The following GNA14 variants were observed in gnomAD, a reference collection of about 807,000 sequenced individuals.
The protein encoded by GNA14 is G protein subunit alpha 14.
In GNA14, 50 loss-of-function variants were observed where a neutral mutation model predicts 42.0. The observed-to-expected ratio is 1.19, with a 90% CI of 0.95 to 1.51. GNA14 has a LOEUF of 1.51. Ranked by LOEUF, GNA14 falls within the 40% of genes most tolerant of loss-of-function variation. GNA14 has a pLI of 0.00. For synonymous variants in GNA14, 173 were observed against 163.1 expected, an observed-to-expected ratio of 1.06 and a Z score of -0.46; for missense variants, 473 against 446.2, an observed-to-expected ratio of 1.06 and a Z score of -0.54.
At chr9:77,495,970 A>G (rs1836862246) in intron 2 of GNA14, among the ~76,000 whole-genome samples, 1 of 152,184 alleles carries the variant, frequency 6.6e-6, no homozygotes, top group Non-Finnish European at 1.5e-5. Context: ...GAGAGTGTGT[A>G]TGATCCCAGG....
chr9:77,596,355 A>T (rs1823467385), intron 1 of GNA14, among the ~76,000 whole-genome samples: 1 of 152,202 alleles, frequency 6.6e-6, no homozygotes, highest in African/African-American at 2.4e-5. Flanking sequence ...TGTTTCTGAA[A>T]AGAAACTTGT....
intron 1 of GNA14, 135 bp downstream of exon 1, chr9:77,647,535 A>C: frequency 1.0e-6 from 1 of 993,506 alleles, no homozygotes; most frequent in Non-Finnish European, 1.4e-6. Flanking sequence ...GGCATCCGTG[A>C]GCTCCGAGGG....
chr9:77,618,568 A>G (rs1823858849), intron 1 of GNA14, among the ~76,000 whole-genome samples: 1 of 117,404 alleles, frequency 8.5e-6, no homozygotes, highest in African/African-American at 3.3e-5. Context: ...TATATGCTGG[A>G]TGATTACATT....
intron 1 of GNA14, among the ~76,000 whole-genome samples, chr9:77,543,315 GTC>G (rs1219543994): frequency 2.0e-5 from 3 of 152,188 alleles, no homozygotes; most frequent in Non-Finnish European, 2.9e-5. Context: ...GGTTTCTCAC[GTC>G]TTAGTCCCAC....
chr9:77,549,118 A>G (rs939518282), intron 1 of GNA14, among the ~76,000 whole-genome samples: 5 of 152,128 alleles, frequency 3.3e-5, no homozygotes, highest in African/African-American at 1.2e-4. Flanking sequence ...GATTTTTAGC[A>G]GAGACAGGGT....
At chr9:77,477,429 T>C (rs556109817) in intron 2 of GNA14, among the ~76,000 whole-genome samples, 4 of 152,178 alleles carry the variant, frequency 2.6e-5, no homozygotes, top group Non-Finnish European at 4.4e-5. Flanking sequence ...TCCAGCCCCA[T>C]TCCCCTGCTG....
At position 77,425,709 on chromosome 9, in the gene GNA14, T is replaced by C. The variant is rs142760663; in HGVS notation, c.730A>G (p.Met244Val). 5.5e-5 allele frequency: 87 copies of C among 1,594,850 alleles called. No homozygotes were observed. The African/African-American group carries it at 1.1e-3, about 21-fold the overall frequency. Residue 244 changes from methionine (M) to valine (V), a missense_variant, in exon 6 of 7, where the codon ATG becomes GTG. Met to Val is a conservative substitution (Grantham distance 21). Coordinates refer to ENST00000341700, the MANE Select transcript of GNA14 (RefSeq NM_004297.4). The part of the protein sequence containing the change: ...VLAECDNENR[M>V]EESKALFKTI... ...TTAAATAAGGCTTTGCTCTCTTCCA[T>C]GCGATTCTAAGTGAAAAACAAGGGA...
intron 1 of GNA14, among the ~76,000 whole-genome samples, chr9:77,542,196 T>G (rs1837668890): frequency 6.6e-6 from 1 of 152,198 alleles, no homozygotes. Flanking sequence ...CCTGAAGATA[T>G]AAGATATGTA....
chr9:77,571,459 T>G (rs1488514760), intron 1 of GNA14, among the ~76,000 whole-genome samples: 1 of 152,192 alleles, frequency 6.6e-6, no homozygotes, highest in Non-Finnish European at 1.5e-5. Flanking sequence ...ACTAACCACA[T>G]GTGGCTGTTG....
At chr9:77,543,697 T>C (rs1837687847) in intron 1 of GNA14, among the ~76,000 whole-genome samples, 1 of 152,224 alleles carries the variant, frequency 6.6e-6, no homozygotes, top group Non-Finnish European at 1.5e-5. Flanking sequence ...TCCCAGCCAA[T>C]CCTGGCCAAG....
At chr9:77,645,794 A>G (rs2118046708) in intron 1 of GNA14, among the ~76,000 whole-genome samples, 1 of 152,336 alleles carries the variant, frequency 6.6e-6, no homozygotes, top group African/African-American at 2.4e-5. Context: ...GCATTTGTCA[A>G]GCTCCTGGTA....
intron 1 of GNA14, among the ~76,000 whole-genome samples, chr9:77,541,121 T>C (rs1440991597): frequency 1.3e-5 from 2 of 152,152 alleles, no homozygotes; most frequent in South Asian, 2.1e-4. Flanking sequence ...GGTTAACCAA[T>C]GGGTTTTATA....
At position 77,434,622 on chromosome 9, in the gene GNA14, G is replaced by A. The variant is rs1355655250; in HGVS notation, c.310-100C>T. The A allele has an allele frequency of 3.8e-6, 4 of 1,039,380 alleles. No homozygotes were observed. The African/African-American group carries it at 6.3e-5, about 16-fold the overall frequency. The allele number at this position is 1,039,380 out of a possible 1,614,324, so 64.4% of individuals were successfully genotyped here. On this transcript the variant is annotated intron_variant, in intron 2 of 6. Coordinates refer to ENST00000341700, the MANE Select transcript of GNA14 (RefSeq NM_004297.4). ...TTGCCCTGGTCTGTGGATTTGGAGA[G>A]CTCTCACTAGGCATGGGGCGTGGTG...
At chr9:77,585,698 G>A (rs970887761) in intron 1 of GNA14, among the ~76,000 whole-genome samples, 2 of 152,158 alleles carry the variant, frequency 1.3e-5, no homozygotes, top group African/African-American at 4.8e-5. Flanking sequence ...GCACAGAGCA[G>A]CACAGGATTC....
intron 1 of GNA14, among the ~76,000 whole-genome samples, chr9:77,559,140 G>A (rs1463259375): frequency 6.6e-6 from 1 of 152,112 alleles, no homozygotes; most frequent in African/African-American, 2.4e-5. Flanking sequence ...ATTCTTACCT[G>A]TGACACCACA....
chr9:77,449,508 C>T (rs891353142), intron 2 of GNA14, among the ~76,000 whole-genome samples: 4 of 152,168 alleles, frequency 2.6e-5, no homozygotes, highest in Non-Finnish European at 5.9e-5. Context: ...TTTGTTTTTA[C>T]AAAGTCTATG....
At chr9:77,488,383 T>G (rs1836696864) in intron 2 of GNA14, among the ~76,000 whole-genome samples, 1 of 152,248 alleles carries the variant, frequency 6.6e-6, no homozygotes, top group Admixed American at 6.5e-5. Flanking sequence ...TGTCCTTCCC[T>G]CAATCCATGG....
rs28395814 is a variant in GNA14 at position 77,425,665 on chromosome 9, G to A, written c.774C>T (p.Pro258=). Residue 258 remains proline, a synonymous_variant, in exon 6 of 7, where the codon CCC becomes CCT. Coordinates refer to ENST00000341700, the MANE Select transcript of GNA14 (RefSeq NM_004297.4). ...KALFKTIITY[P]WFLNSSVILF... ...AAATCACAGACGAATTCAGAAACCAGGGGTAGGTGATGATGGTTTTAAATA... is the reference window on the plus strand; with the variant it reads ...AAATCACAGACGAATTCAGAAACCAAGGGTAGGTGATGATGGTTTTAAATA... 1,761 of 1,609,572 alleles carry A rather than the reference G, an allele frequency of 1.1e-3. 14 individuals are homozygous for A. The African/African-American group carries it at 0.021, about 19-fold the overall frequency.
chr9:77,519,713 T>C (rs1837320550), intron 2 of GNA14, among the ~76,000 whole-genome samples: 5 of 152,038 alleles, frequency 3.3e-5, no homozygotes, highest in Non-Finnish European at 1.5e-5. Context: ...TTGGTGATGG[T>C]TACACTGAAA....
Sources: gnomAD v4.1 joint callset for allele counts (sites outside exome capture counted in the v4.1 genomes callset) on GRCh38, gnomAD v4.1.1 for gene constraint, MANE v1.5 for transcripts, NCBI Gene and HGNC (gene_info 2026-07-23, HGNC 2026-07-21) for gene names.